CACNB2: variants seen among roughly 807,000 people sequenced by gnomAD.
The protein encoded by CACNB2 is voltage-dependent L-type calcium channel subunit beta-2.
In CACNB2, 42 loss-of-function variants were observed where a neutral mutation model predicts 73.3. The ratio of observed to expected loss-of-function variants is 0.57; its 90% CI spans 0.45 to 0.74. CACNB2 has a LOEUF of 0.74. Among genes scored for constraint, CACNB2 ranks in the 30% least tolerant of loss-of-function variants. CACNB2 has a pLI of 0.00. For synonymous variants in CACNB2, 348 were observed against 310.3 expected (o/e 1.12, Z -1.28); for missense variants, 940 against 853.0 (o/e 1.10, Z -1.27).
chr10:18,388,114 G>T (rs1589216267), intron 2 of CACNB2, among the ~76,000 whole-genome samples: 1 of 152,064 alleles, frequency 6.6e-6, no homozygotes, highest in Non-Finnish European at 1.5e-5. Flanking sequence ...GGCCATTTTT[G>T]CCCTGCTTGA....
intron 3 of CACNB2, among the ~76,000 whole-genome samples, chr10:18,473,107 C>A (rs2048274232): frequency 6.6e-6 from 1 of 152,162 alleles, no homozygotes; most frequent in African/African-American, 2.4e-5. Context: ...GTATGAGAAT[C>A]AACTGTGGTG....
intron 2 of CACNB2, among the ~76,000 whole-genome samples, chr10:18,200,290 T>C (rs1265587929): frequency 6.6e-6 from 1 of 151,956 alleles, no homozygotes; most frequent in Admixed American, 6.6e-5. Flanking sequence ...GTGTTGAAGA[T>C]CTTCATTATT....
chr10:18,150,919 A>T lies in CACNB2; in HGVS notation c.157A>T (p.Lys53Ter). Residue 53 changes from lysine (K) to a stop codon, truncating the protein, a stop_gained, in exon 2 of 14, where the codon AAA becomes TAA. Coordinates refer to ENST00000324631, the MANE Select transcript of CACNB2 (RefSeq NM_201596.3). LOFTEE classifies it high-confidence loss of function. ...GKGARRKNRFKGSDGSTSSDT... is the reference protein window; with the variant it reads ...GKGARRKNRF The stretch of plus-strand genomic sequence containing the variant: ...AGGAGCCAGAAGGAAAAACAGATTT[A>T]AAGGATCTGATGGAAGCACGTCATC... 2 of 1,580,710 alleles carry T rather than the reference A, an allele frequency of 1.3e-6. No homozygotes were observed. Among genetic ancestry groups the T allele is most frequent in the Non-Finnish European group, 1.7e-6 (2 of 1,162,784 alleles).
At chr10:18,276,888 G>C (rs929944917) in intron 2 of CACNB2, among the ~76,000 whole-genome samples, 2 of 152,120 alleles carry the variant, frequency 1.3e-5, no homozygotes, top group Non-Finnish European at 2.9e-5. Context: ...CTTGCAGGAG[G>C]ATCTTTTGAG....
chr10:18,536,414 A>G (rs1352362737), intron 12 of CACNB2, among the ~76,000 whole-genome samples: 1 of 151,502 alleles, frequency 6.6e-6, no homozygotes, highest in Non-Finnish European at 1.5e-5. Context: ...GCATGCCACC[A>G]TGATCGGCTA....
intron 2 of CACNB2, among the ~76,000 whole-genome samples, chr10:18,155,877 A>G (rs1408650951): frequency 1.2e-5 from 1 of 80,900 alleles, no homozygotes; most frequent in Non-Finnish European, 2.5e-5. Flanking sequence ...AGAGAGAGGG[A>G]GAGAGAGAGA....
intron 2 of CACNB2, among the ~76,000 whole-genome samples, chr10:18,389,377 A>T (rs1175841439): frequency 6.6e-6 from 1 of 152,182 alleles, no homozygotes; most frequent in Admixed American, 6.5e-5. Flanking sequence ...GGGCTCATGC[A>T]GTCCTCCCAC....
intron 3 of CACNB2, among the ~76,000 whole-genome samples, chr10:18,473,433 G>A (rs1355911727): frequency 6.6e-6 from 1 of 152,178 alleles, no homozygotes; most frequent in African/African-American, 2.4e-5. Flanking sequence ...CAGGCCCCAA[G>A]CCCTGAAAAT....
intron 2 of CACNB2, among the ~76,000 whole-genome samples, chr10:18,220,110 A>AAT (rs1165921150): frequency 0.013 from 420 of 32,572 alleles, 1 homozygote; most frequent in Middle Eastern, 0.075. Context: ...TTTATTTTTT[A>AAT]ATATATATAT....
intron 7 of CACNB2, chr10:18,514,908 T>TCATA (rs1188774275): frequency 1.0e-6 from 1 of 979,520 alleles, no homozygotes; most frequent in East Asian, 2.4e-5. Context: ...GATATCCAGA[T>TCATA]ACATAGCTTG....
chr10:18,406,203 G>C (rs180733874), intron 3 of CACNB2, among the ~76,000 whole-genome samples: 8 of 152,316 alleles, frequency 5.3e-5, no homozygotes, highest in African/African-American at 1.9e-4. Flanking sequence ...GTCATAAAAG[G>C]TGGAATACAA....
chr10:18,512,549 T>C (rs1301605033), intron 6 of CACNB2, among the ~76,000 whole-genome samples: 14 of 152,210 alleles, frequency 9.2e-5, no homozygotes, highest in Admixed American at 9.2e-4. Context: ...GAAAAATCTT[T>C]TTTTGCACAT....
chr10:18,140,985 C>T, intron 1 of CACNB2, 129 bp downstream of exon 1: 1 of 1,520,620 alleles, frequency 6.6e-7, no homozygotes, highest in Non-Finnish European at 8.8e-7. Flanking sequence ...GCCTGCCCAC[C>T]CTCTGCTCCT....
At chr10:18,369,977 T>C (rs1589159788) in intron 2 of CACNB2, among the ~76,000 whole-genome samples, 1 of 152,224 alleles carries the variant, frequency 6.6e-6, no homozygotes, top group East Asian at 1.9e-4. Flanking sequence ...AGCCCACTGA[T>C]AAATGACCTG....
At chr10:18,251,271 G>T (rs1175752682) in intron 2 of CACNB2, among the ~76,000 whole-genome samples, 4 of 151,066 alleles carry the variant, frequency 2.6e-5, no homozygotes, top group African/African-American at 9.7e-5. Context: ...TTGAGATGGA[G>T]TTTCACTCTG....
chr10:18,375,020 A>T (rs1163109132), intron 2 of CACNB2, among the ~76,000 whole-genome samples: 2 of 152,132 alleles, frequency 1.3e-5, no homozygotes, highest in African/African-American at 4.8e-5. Flanking sequence ...AAACTTGAAA[A>T]TGCACACGGC....
Position 18,303,938 on chromosome 10 carries a change from C to T in CACNB2, c.214-97986C>T, listed in dbSNP as rs181143009. ...AAATTTATTCAAGATCTAGAAAAACCGCCAGTGTTTTTATTTTTTATTAGT... is the reference window on the plus strand; with the variant it reads ...AAATTTATTCAAGATCTAGAAAAACTGCCAGTGTTTTTATTTTTTATTAGT... On this transcript the variant is annotated intron_variant, in intron 2 of 13. Transcript: ENST00000324631. 5.4e-3 allele frequency among the ~76,000 whole-genome samples: 818 copies of T among 152,062 alleles called. 4 individuals are homozygous for T. The highest frequency in any genetic ancestry group is 0.012 in the African/African-American group (512 of 41,482).
chr10:18,268,503 T>G (rs146032833), intron 2 of CACNB2, among the ~76,000 whole-genome samples: 1 of 152,352 alleles, frequency 6.6e-6, no homozygotes, highest in African/African-American at 2.4e-5. Context: ...TGAGAATACG[T>G]TATATAAAAA....
intron 2 of CACNB2, among the ~76,000 whole-genome samples, chr10:18,350,087 T>C (rs1443896529): frequency 6.6e-6 from 1 of 151,970 alleles, no homozygotes; most frequent in South Asian, 2.1e-4. Context: ...CTACTAAAAA[T>C]ACAAAAAATT....
Sources: gnomAD v4.1 joint callset for allele counts (sites outside exome capture counted in the v4.1 genomes callset) on GRCh38, gnomAD v4.1.1 for gene constraint, MANE v1.5 for transcripts, NCBI Gene and HGNC (gene_info 2026-07-23, HGNC 2026-07-21) for gene names.